The following BMPR1B variants were observed in gnomAD, a reference collection of about 807,000 sequenced individuals.
BMPR1B encodes the protein bone morphogenetic protein receptor type-1B.
BMPR1B carries 12 observed loss-of-function variants against 59.1 expected under a neutral mutation model. The observed-to-expected ratio is 0.20, with a 90% CI of 0.13 to 0.33. The LOEUF (loss-of-function observed/expected upper bound fraction) is 0.33, where lower values mean the gene tolerates loss of function less well. Ranked by LOEUF, BMPR1B falls within the 10% of genes least tolerant of loss-of-function variation. The pLI, the probability that BMPR1B is intolerant of heterozygous loss-of-function variation, is 1.00. For missense variants in BMPR1B, 550 were observed against 610.9 expected (o/e 0.90, Z 1.05); for synonymous variants, 237 against 207.3 (o/e 1.14, Z -1.23).
intron 2 of BMPR1B, among the ~76,000 whole-genome samples, chr4:94,924,341 G>C (rs931289292): frequency 1.3e-5 from 2 of 151,990 alleles, no homozygotes; most frequent in Non-Finnish European, 2.9e-5. Context: ...ATTACATTTT[G>C]CTTTCTCAAC....
chr4:94,917,752 GATTATATTTTGCAGTGTGA>G (rs1728539020), intron 2 of BMPR1B, among the ~76,000 whole-genome samples: 1 of 152,194 alleles, frequency 6.6e-6, no homozygotes, highest in African/African-American at 2.4e-5. Context: ...GGGAAGGCAT[GATTATATTTTGCAGTGTGA>G]GGAGGACATG....
intron 1 of BMPR1B, among the ~76,000 whole-genome samples, chr4:94,837,835 C>T (rs1227030796): frequency 7.0e-6 from 1 of 143,788 alleles, no homozygotes; most frequent in Non-Finnish European, 1.5e-5. Context: ...CTGTCTTGTG[C>T]CAGTTTTCAA....
At chr4:95,096,245 C>A (rs1730366200) in intron 3 of BMPR1B, among the ~76,000 whole-genome samples, 1 of 151,620 alleles carries the variant, frequency 6.6e-6, no homozygotes, top group South Asian at 2.1e-4. Context: ...TACCTTATTT[C>A]CTACTACAAG....
At chr4:94,858,604 AAG>A (rs1336922049) in intron 1 of BMPR1B, among the ~76,000 whole-genome samples, 1 of 152,062 alleles carries the variant, frequency 6.6e-6, no homozygotes, top group Non-Finnish European at 1.5e-5. Flanking sequence ...AAAAAATGGA[AAG>A]AGTTATCTTG....
At chr4:94,770,375 C>A (rs561445113) in intron 1 of BMPR1B, among the ~76,000 whole-genome samples, 1 of 151,938 alleles carries the variant, frequency 6.6e-6, no homozygotes, top group Non-Finnish European at 1.5e-5. Flanking sequence ...GCTTTTTTGG[C>A]TGCAGGAACT....
At chr4:95,064,143 A>G (rs984294323) in intron 3 of BMPR1B, among the ~76,000 whole-genome samples, 1 of 152,208 alleles carries the variant, frequency 6.6e-6, no homozygotes, top group African/African-American at 2.4e-5. Flanking sequence ...TGTCATAGAT[A>G]TGACACCAAA....
chr4:94,803,049 T>G (rs1342141237), intron 1 of BMPR1B, among the ~76,000 whole-genome samples: 1 of 152,140 alleles, frequency 6.6e-6, no homozygotes, highest in Non-Finnish European at 1.5e-5. Flanking sequence ...TGACCTCCAG[T>G]GCTCATGGTT....
chr4:95,108,448 C>G (rs1485804708), intron 4 of BMPR1B, among the ~76,000 whole-genome samples: 1 of 152,038 alleles, frequency 6.6e-6, no homozygotes, highest in Non-Finnish European at 1.5e-5. Context: ...CTTCCACCTC[C>G]CTGGAGAGAA....
At chr4:94,769,542 G>A (rs145510087) in intron 1 of BMPR1B, among the ~76,000 whole-genome samples, 1,697 of 152,142 alleles carry the variant, frequency 0.011, 30 homozygotes, top group African/African-American at 0.038. Context: ...CCCAGGAGGC[G>A]GAGGTTGCAG....
At chr4:94,961,952 T>G (rs2149066739) in intron 2 of BMPR1B, among the ~76,000 whole-genome samples, 1 of 152,258 alleles carries the variant, frequency 6.6e-6, no homozygotes, top group African/African-American at 2.4e-5. Flanking sequence ...ACATTTCAAT[T>G]TTACTTGTCT....
intron 2 of BMPR1B, among the ~76,000 whole-genome samples, chr4:94,899,874 C>T (rs1015383396): frequency 2.0e-5 from 3 of 151,974 alleles, no homozygotes; most frequent in Non-Finnish European, 2.9e-5. Context: ...CTAAGTTTCC[C>T]TGTTCGCCCA....
intron 2 of BMPR1B, among the ~76,000 whole-genome samples, chr4:94,933,652 T>C (rs145161208): frequency 0.015 from 2,355 of 152,248 alleles, 64 homozygotes; most frequent in African/African-American, 0.054. Flanking sequence ...GGTTCTAACA[T>C]AGTATGGTTG....
At position 95,031,457 on chromosome 4, in the gene BMPR1B, A is replaced by AT. The variant is rs1000054128; in HGVS notation, c.-18+35331dup. ...AATATTATGGATGGATTGCAGATAT[A>AT]TTTTTTTTGAGACAGGGTCTTGCTG... On this transcript the variant is annotated intron_variant, in intron 3 of 12. Transcript: ENST00000515059. 1.1e-4 allele frequency among the ~76,000 whole-genome samples: 16 copies of AT among 151,898 alleles called. No homozygotes were observed. The South Asian group carries it at 2.1e-3, about 20-fold the overall frequency.
At chr4:94,987,954 C>A (rs1335039593) in intron 2 of BMPR1B, among the ~76,000 whole-genome samples, 1 of 152,008 alleles carries the variant, frequency 6.6e-6, no homozygotes, top group African/African-American at 2.4e-5. Context: ...TTAGAATCAT[C>A]CAGAGATTAA....
chr4:95,071,663 TATATATATATATA>T (rs1181418191), intron 3 of BMPR1B, among the ~76,000 whole-genome samples: 2 of 145,036 alleles, frequency 1.4e-5, no homozygotes, highest in Non-Finnish European at 3.0e-5. Context: ...TATATATATA[TATATATATATATA>T]TATATGAACT....
At chr4:95,061,619 G>A (rs1727404760) in intron 3 of BMPR1B, among the ~76,000 whole-genome samples, 1 of 152,270 alleles carries the variant, frequency 6.6e-6, no homozygotes, top group Admixed American at 6.5e-5. Flanking sequence ...AGAAAATGAA[G>A]CAGAAAGTTG....
chr4:94,785,392 T>C (rs1399852360), intron 1 of BMPR1B, among the ~76,000 whole-genome samples: 1 of 152,246 alleles, frequency 6.6e-6, no homozygotes, highest in Non-Finnish European at 1.5e-5. Context: ...TAAGGACTGC[T>C]AGTCGTCAGG....
chr4:94,846,929 C>A (rs1486258929), intron 1 of BMPR1B, among the ~76,000 whole-genome samples: 1 of 151,518 alleles, frequency 6.6e-6, no homozygotes, highest in Non-Finnish European at 1.5e-5. Flanking sequence ...GCACAGGCAA[C>A]CAAAGCAAAA....
chr4:95,013,825 T>C (rs959076923), intron 3 of BMPR1B, among the ~76,000 whole-genome samples: 1 of 152,214 alleles, frequency 6.6e-6, no homozygotes, highest in Non-Finnish European at 1.5e-5. Flanking sequence ...TCACTTTACC[T>C]AATTAGATTG....
Sources: gnomAD v4.1 joint callset for allele counts (sites outside exome capture counted in the v4.1 genomes callset) on GRCh38, gnomAD v4.1.1 for gene constraint, MANE v1.5 for transcripts, NCBI Gene and HGNC (gene_info 2026-07-23, HGNC 2026-07-21) for gene names.